The following STEAP1B variants were observed in gnomAD, a reference collection of about 807,000 sequenced individuals.
The protein encoded by STEAP1B is STEAP family member 1B, also known as STEAP family protein MGC87042.
A neutral mutation model predicts 27.9 loss-of-function variants in STEAP1B; 13 were observed. That is an observed-to-expected ratio of 0.47 (90% CI 0.30 to 0.74). The LOEUF (loss-of-function observed/expected upper bound fraction) is 0.74. STEAP1B is among the 30% of genes least tolerant of loss of function. STEAP1B has a pLI of 0.06. For synonymous variants in STEAP1B, 86 were observed against 107.1 expected (o/e 0.80, Z 1.22); for missense variants, 250 against 298.7 (o/e 0.84, Z 1.20).
At chr7:22,472,499 G>A (rs143014859) in intron 4 of STEAP1B, among the ~76,000 whole-genome samples, 2,324 of 152,338 alleles carry the variant, frequency 0.015, 62 homozygotes, top group African/African-American at 0.053. Context: ...CCATGATGAC[G>A]TAAGAACAGA....
chr7:22,481,033 C>A (rs1231565822), intron 4 of STEAP1B, among the ~76,000 whole-genome samples: 1 of 152,224 alleles, frequency 6.6e-6, no homozygotes, highest in Non-Finnish European at 1.5e-5. Flanking sequence ...ACTCAATGTG[C>A]AGAATGCCAC....
chr7:22,437,095 C>A (rs1359554329), intron 4 of STEAP1B, among the ~76,000 whole-genome samples: 2 of 152,184 alleles, frequency 1.3e-5, no homozygotes, highest in Admixed American at 1.3e-4. Flanking sequence ...TTTTTGCAAA[C>A]TGTATAGCTG....
intron 4 of STEAP1B, among the ~76,000 whole-genome samples, chr7:22,476,597 A>G (rs1785976435): frequency 6.6e-6 from 1 of 152,154 alleles, no homozygotes; most frequent in African/African-American, 2.4e-5. Flanking sequence ...TTCCTCAAAG[A>G]TAAGGAATGT....
At chr7:22,488,940 A>G (rs1786269241) in intron 4 of STEAP1B, among the ~76,000 whole-genome samples, 1 of 152,214 alleles carries the variant, frequency 6.6e-6, no homozygotes, top group South Asian at 2.1e-4. Flanking sequence ...TTGTTGAAGA[A>G]GCCATAAAAA....
In STEAP1B at chr7:22,437,334, A is replaced by G. The variant is rs542361611; in HGVS notation, c.763-17498T>C. Among the ~76,000 whole-genome samples the G allele has an allele frequency of 5.3e-5, 8 of 152,294 alleles. No individual in the cohort carries two copies. In the East Asian group the frequency reaches 1.5e-3, roughly 29 times the overall value. On this transcript the variant is annotated intron_variant, in intron 4 of 4. Coordinates refer to ENST00000678116, the MANE Select transcript of STEAP1B (RefSeq NM_001382447.1). ...GAGTTTGACTATTTTAGATTCCTCA[A>G]ACAAGTGGTATCATGCAGTAGTTGT...
chr7:22,471,892 C>T (rs73083190), intron 4 of STEAP1B, among the ~76,000 whole-genome samples: 8,871 of 78,336 alleles, frequency 0.11, 498 homozygotes, highest in Non-Finnish European at 0.14. Context: ...AAACCTGTCT[C>T]CAAAAAAAAA....
rs140514533 is a variant in STEAP1B at position 22,419,710 on chromosome 7, G to A, written c.*94C>T. The A allele has an allele frequency of 1.1e-3, 1,571 of 1,401,536 alleles. 21 individuals are homozygous for A. The African/African-American group carries it at 0.018, about 16-fold the overall frequency. The allele number at this position is 1,401,536 out of a possible 1,614,324, so 86.8% of individuals were successfully genotyped here. ...CAGCATGGCTGTTCATTGTGGCAGA[G>A]GGAAAGGGCACTGGGTGGTGTTCTG... is the stretch of plus-strand genomic sequence containing the variant. On this transcript the variant is annotated 3_prime_UTR_variant, in exon 5 of 5. Coordinates refer to ENST00000678116, the MANE Select transcript of STEAP1B (RefSeq NM_001382447.1).
At chr7:22,446,961 G>T (rs1400925130) in intron 4 of STEAP1B, among the ~76,000 whole-genome samples, 1 of 152,192 alleles carries the variant, frequency 6.6e-6, no homozygotes, top group Non-Finnish European at 1.5e-5. Context: ...GGTCTGGAAT[G>T]AGATTCTTAA....
At chr7:22,468,658 T>C (rs1261141455) in intron 4 of STEAP1B, among the ~76,000 whole-genome samples, 1 of 152,172 alleles carries the variant, frequency 6.6e-6, no homozygotes, top group African/African-American at 2.4e-5. Context: ...GGGCTTAGGT[T>C]AAAAATTTGG....
At chr7:22,424,929 T>A (rs138878067) in intron 4 of STEAP1B, among the ~76,000 whole-genome samples, 1 of 150,930 alleles carries the variant, frequency 6.6e-6, no homozygotes, top group Non-Finnish European at 1.5e-5. Flanking sequence ...TACAGGATCA[T>A]TTCAATTAAT....
At chr7:22,481,492 T>C (rs1786073271) in intron 4 of STEAP1B, among the ~76,000 whole-genome samples, 1 of 152,196 alleles carries the variant, frequency 6.6e-6, no homozygotes, top group Non-Finnish European at 1.5e-5. Context: ...ATGGTATTGA[T>C]GCCTGGCATC....
At chr7:22,429,358 G>T (rs1785149524) in intron 4 of STEAP1B, among the ~76,000 whole-genome samples, 1 of 152,124 alleles carries the variant, frequency 6.6e-6, no homozygotes. Flanking sequence ...ATAAACTAGA[G>T]CTACTTGTAT....
chr7:22,494,927 T>C, intron 1 of STEAP1B, 41 bp from the exon 2 acceptor site: 1 of 1,057,068 alleles, frequency 9.5e-7, no homozygotes, highest in Non-Finnish European at 1.4e-6. Context: ...CTATTCTACT[T>C]ATGATGTGAA....
At chr7:22,472,275 G>C (rs369407943) in intron 4 of STEAP1B, among the ~76,000 whole-genome samples, 13 of 152,336 alleles carry the variant, frequency 8.5e-5, no homozygotes, top group African/African-American at 3.1e-4. Context: ...GAAGGTATAT[G>C]ATGAGAGTCT....
At chr7:22,458,592 T>G (rs1261205577) in intron 4 of STEAP1B, among the ~76,000 whole-genome samples, 1 of 152,180 alleles carries the variant, frequency 6.6e-6, no homozygotes, top group African/African-American at 2.4e-5. Flanking sequence ...TGTTAAACAC[T>G]AAACAGCGCA....
chr7:22,438,602 T>C (rs1322885503), intron 4 of STEAP1B: 1 of 1,552,196 alleles, frequency 6.4e-7, no homozygotes, highest in East Asian at 2.4e-5. Context: ...GCTGATAAAA[T>C]GAAGTATATA....
At chr7:22,448,882 G>C (rs1214968748) in intron 4 of STEAP1B, among the ~76,000 whole-genome samples, 2 of 152,138 alleles carry the variant, frequency 1.3e-5, no homozygotes, top group African/African-American at 2.4e-5. Flanking sequence ...GTCCTTGAGG[G>C]GCCATGGGAC....
chr7:22,421,404 C>T (rs1367339035), intron 4 of STEAP1B, among the ~76,000 whole-genome samples: 1 of 152,226 alleles, frequency 6.6e-6, no homozygotes, highest in African/African-American at 2.4e-5. Flanking sequence ...AAATATTTGT[C>T]CTTCTGTACC....
At chr7:22,424,680 A>C (rs1340256300) in intron 4 of STEAP1B, among the ~76,000 whole-genome samples, 1 of 152,188 alleles carries the variant, frequency 6.6e-6, no homozygotes, top group East Asian at 1.9e-4. Flanking sequence ...TGGAAAAAAC[A>C]GTGTACAGAG....
Sources: gnomAD v4.1 joint callset for allele counts (sites outside exome capture counted in the v4.1 genomes callset) on GRCh38, gnomAD v4.1.1 for gene constraint, MANE v1.5 for transcripts, NCBI Gene and HGNC (gene_info 2026-07-23, HGNC 2026-07-21) for gene names.